The following SEMA3A variants were observed in gnomAD, a reference collection of about 807,000 sequenced individuals.
The protein encoded by SEMA3A is semaphorin-3A.
A neutral mutation model predicts 97.9 loss-of-function variants in SEMA3A; 29 were observed. The ratio of observed to expected loss-of-function variants is 0.30; its 90% CI spans 0.22 to 0.40. SEMA3A has a LOEUF of 0.40. SEMA3A is among the 10% of genes least tolerant of loss of function. The pLI, the probability that SEMA3A is intolerant of heterozygous loss-of-function variation, is 1.00. For missense variants in SEMA3A, 763 were observed against 951.3 expected (o/e 0.80, Z 2.60); for synonymous variants, 321 against 323.7 (o/e 0.99, Z 0.09).
intron 3 of SEMA3A, among the ~76,000 whole-genome samples, chr7:84,235,067 T>G (rs1176121964): frequency 6.6e-6 from 1 of 152,080 alleles, no homozygotes; most frequent in African/African-American, 2.4e-5. Context: ...TTAGGTAATA[T>G]ATACGAAAAT....
intron 1 of SEMA3A, among the ~76,000 whole-genome samples, chr7:84,440,416 C>A (rs1805243293): frequency 6.6e-6 from 1 of 152,132 alleles, no homozygotes; most frequent in Non-Finnish European, 1.5e-5. Flanking sequence ...TTCCAAATGT[C>A]ATAATTTGTG....
upstream of SEMA3A, among the ~76,000 whole-genome samples, chr7:84,197,733 T>G (rs1322227473): frequency 1.5e-5 from 1 of 67,866 alleles, no homozygotes; most frequent in Non-Finnish European, 2.7e-5. Flanking sequence ...GATCACTCTT[T>G]TTTTTTTTTT....
intron 12 of SEMA3A, among the ~76,000 whole-genome samples, chr7:83,996,861 T>G (rs1473043455): frequency 6.6e-6 from 1 of 152,186 alleles, no homozygotes; most frequent in Non-Finnish European, 1.5e-5. Context: ...CAATGCCAGT[T>G]TTATTTCACC....
At chr7:84,020,963 A>G (rs1247428107) in intron 6 of SEMA3A, among the ~76,000 whole-genome samples, 1 of 152,232 alleles carries the variant, frequency 6.6e-6, no homozygotes, top group Non-Finnish European at 1.5e-5. Flanking sequence ...AATTTAAGAC[A>G]TACAAACCAA....
At chr7:84,468,150 T>C (rs577283917) in intron 1 of SEMA3A, among the ~76,000 whole-genome samples, 95 of 152,302 alleles carry the variant, frequency 6.2e-4, no homozygotes, top group African/African-American at 2.2e-3. Flanking sequence ...AAAAGTTACT[T>C]GTTGGTAGCA....
At chr7:84,368,918 G>A (rs1183654974) in intron 2 of SEMA3A, among the ~76,000 whole-genome samples, 1 of 150,758 alleles carries the variant, frequency 6.6e-6, no homozygotes, top group African/African-American at 2.4e-5. Context: ...GTATGCATAA[G>A]TCACTGGATT....
At chr7:83,964,385 A>C (rs574965960) in intron 15 of SEMA3A, among the ~76,000 whole-genome samples, 51 of 152,328 alleles carry the variant, frequency 3.3e-4, no homozygotes, top group African/African-American at 1.2e-3. Flanking sequence ...ACTCAGCTAG[A>C]TTTTTAATTT....
At chr7:84,065,039 T>A (rs2115717406) in intron 4 of SEMA3A, among the ~76,000 whole-genome samples, 1 of 151,398 alleles carries the variant, frequency 6.6e-6, no homozygotes, top group African/African-American at 2.4e-5. Context: ...CCTCAGCAAA[T>A]GTAAAAGAAC....
At chr7:84,201,512 C>T (rs954824155) in intron 3 of SEMA3A, among the ~76,000 whole-genome samples, 5 of 152,022 alleles carry the variant, frequency 3.3e-5, no homozygotes, top group Admixed American at 6.6e-5. Flanking sequence ...TTCCCCGCCC[C>T]CCAATGTGTA....
intron 1 of SEMA3A, among the ~76,000 whole-genome samples, chr7:84,417,268 A>G (rs1275388878): frequency 6.6e-6 from 1 of 152,098 alleles, no homozygotes; most frequent in Non-Finnish European, 1.5e-5. Context: ...AAATATAGAA[A>G]GCTACAGTGT....
intron 5 of SEMA3A, among the ~76,000 whole-genome samples, chr7:84,058,117 G>T (rs1793067744): frequency 6.6e-6 from 1 of 152,128 alleles, no homozygotes; most frequent in Non-Finnish European, 1.5e-5. Context: ...TTGCTGCCAA[G>T]ATCCATCTAG....
In SEMA3A at chr7:84,080,237, G is replaced by A. The variant is rs745921706; in HGVS notation, c.454-19679C>T. On this transcript the variant is annotated intron_variant, in intron 4 of 16. Coordinates refer to ENST00000265362, the MANE Select transcript of SEMA3A (RefSeq NM_006080.3). ...GGAGGGGGTAGGGATAGCATTAGGA[G>A]ATATCCCTAATGCTGAATGATGAGT... 2.3e-3 allele frequency among the ~76,000 whole-genome samples: 331 copies of A among 146,700 alleles called. 2 individuals are homozygous for A. The highest frequency in any genetic ancestry group is 4.2e-3 in the Non-Finnish European group (284 of 67,056).
rs1195728657 is a variant in SEMA3A, at chr7:84,239,665, T to A, written c.-82-44997A>T. 5.3e-5 allele frequency among the ~76,000 whole-genome samples: 8 copies of A among 152,176 alleles called. 1 individual carries two copies. Among genetic ancestry groups the A allele is most frequent in the Non-Finnish European group, 1.2e-4 (8 of 67,992 alleles). On this transcript the variant is annotated intron_variant, in intron 3 of 3. Coordinates refer to the SEMA3A transcript ENST00000424555. ...TGGATCGTAAAAAAACAACTGTAAT[T>A]TTTCTAACATATTTTTAAGAATAAA...
At chr7:84,249,842 G>A (rs890364836) in intron 3 of SEMA3A, among the ~76,000 whole-genome samples, 11 of 150,052 alleles carry the variant, frequency 7.3e-5, no homozygotes, top group Admixed American at 4.0e-4. Flanking sequence ...CAGAAGTCAA[G>A]TGAGGTAAAA....
At chr7:84,026,369 T>C (rs1791543867) in intron 6 of SEMA3A, among the ~76,000 whole-genome samples, 1 of 152,226 alleles carries the variant, frequency 6.6e-6, no homozygotes, top group South Asian at 2.1e-4. Flanking sequence ...ATTTTTAGAA[T>C]ATTTTTCACT....
At chr7:84,417,118 A>C (rs946976582) in intron 1 of SEMA3A, among the ~76,000 whole-genome samples, 9 of 152,118 alleles carry the variant, frequency 5.9e-5, no homozygotes, top group Admixed American at 3.9e-4. Context: ...ACTTAATTCC[A>C]GTTCAGAGCA....
At chr7:84,344,460 A>G (rs186871064) in intron 2 of SEMA3A, among the ~76,000 whole-genome samples, 1 of 152,310 alleles carries the variant, frequency 6.6e-6, no homozygotes, top group Admixed American at 6.5e-5. Flanking sequence ...GAAGGAGAGA[A>G]GACCCAAGAA....
chr7:84,149,627 A>C (rs887654293), intron 1 of SEMA3A, among the ~76,000 whole-genome samples: 1 of 152,244 alleles, frequency 6.6e-6, no homozygotes, highest in African/African-American at 2.4e-5. Context: ...AAAATATAGC[A>C]TAAGCTAATT....
At chr7:84,230,493 T>G (rs142398055) in intron 3 of SEMA3A, among the ~76,000 whole-genome samples, 1 of 152,082 alleles carries the variant, frequency 6.6e-6, no homozygotes, top group African/African-American at 2.4e-5. Flanking sequence ...AAGAAAGCAC[T>G]CCTCTTTTAT....
Sources: gnomAD v4.1 joint callset for allele counts (sites outside exome capture counted in the v4.1 genomes callset) on GRCh38, gnomAD v4.1.1 for gene constraint, MANE v1.5 for transcripts, NCBI Gene and HGNC (gene_info 2026-07-23, HGNC 2026-07-21) for gene names.